Variants in RALGAPA2 observed in about 807,000 individuals in gnomAD.
The protein encoded by RALGAPA2 is Ral GTPase activating protein catalytic subunit alpha 2.
A neutral mutation model predicts 230.4 loss-of-function variants in RALGAPA2; 139 were observed. That is an observed-to-expected ratio of 0.60 (90% confidence interval 0.53 to 0.69). The LOEUF (loss-of-function observed/expected upper bound fraction) is 0.69. Ranked by LOEUF, RALGAPA2 falls within the 30% of genes least tolerant of loss-of-function variation. The pLI, the probability that RALGAPA2 is intolerant of heterozygous loss-of-function variation, is 0.00. For missense variants in RALGAPA2, 2,163 were observed against 2,276.0 expected (o/e 0.95, Z 1.01); for synonymous variants, 847 against 837.8 (o/e 1.01, Z -0.19).
At chr20:20,506,324 T>C (rs139174306) in intron 33 of RALGAPA2, among the ~76,000 whole-genome samples, 63 of 152,340 alleles carry the variant, frequency 4.1e-4, no homozygotes, top group Non-Finnish European at 8.2e-4. Context: ...TTGCATATAG[T>C]AGGTGTTCAG....
chr20:20,547,292 G>C (rs1037256152), intron 23 of RALGAPA2, among the ~76,000 whole-genome samples: 2 of 152,204 alleles, frequency 1.3e-5, no homozygotes, highest in African/African-American at 4.8e-5. Context: ...ATAGTTTTAC[G>C]TGTTCAGAAA....
chr20:20,426,611 C>CT, intron 37 of RALGAPA2, among the ~76,000 whole-genome samples: 1 of 152,300 alleles, frequency 6.6e-6, no homozygotes, highest in East Asian at 1.9e-4. Flanking sequence ...TAGAGGAAGG[C>CT]TTAAGAAGCA....
At chr20:20,703,894 C>A (rs1324208546) in intron 1 of RALGAPA2, among the ~76,000 whole-genome samples, 1 of 152,096 alleles carries the variant, frequency 6.6e-6, no homozygotes, top group East Asian at 1.9e-4. Context: ...CTTAAACTGG[C>A]CTCATTCTAT....
At chr20:20,637,668 G>A (rs749233626) in intron 7 of RALGAPA2, among the ~76,000 whole-genome samples, 167 bp from the exon 8 acceptor site, 3 of 152,088 alleles carry the variant, frequency 2.0e-5, no homozygotes, top group Non-Finnish European at 4.4e-5. Context: ...AAAGATGGCA[G>A]GAATGAATAC....
intron 3 of RALGAPA2, among the ~76,000 whole-genome samples, chr20:20,657,946 T>C (rs558015893): frequency 5.3e-5 from 8 of 152,328 alleles, no homozygotes; most frequent in East Asian, 1.9e-4. Context: ...AAAATACATA[T>C]TGGTCTTCTT....
intron 36 of RALGAPA2, among the ~76,000 whole-genome samples, chr20:20,490,861 A>AACACACACACAC (rs34230105): frequency 9.2e-4 from 131 of 142,258 alleles, no homozygotes; most frequent in African/African-American, 2.9e-3. Context: ...AACACACATG[A>AACACACACACAC]ACACACACAC....
intron 32 of RALGAPA2, among the ~76,000 whole-genome samples, chr20:20,512,018 G>A (rs778465867): frequency 4.6e-5 from 7 of 151,832 alleles, no homozygotes; most frequent in African/African-American, 7.3e-5. Context: ...GTGAAACCCC[G>A]TCTCTACTAA....
intron 37 of RALGAPA2, among the ~76,000 whole-genome samples, chr20:20,414,199 C>T (rs904119584): frequency 4.6e-5 from 7 of 152,322 alleles, no homozygotes; most frequent in South Asian, 4.1e-4. Flanking sequence ...GCCTTTGGAC[C>T]GCCGTGGCCC....
At chr20:20,502,807 C>A (rs1454869195) in intron 35 of RALGAPA2, among the ~76,000 whole-genome samples, 1 of 152,184 alleles carries the variant, frequency 6.6e-6, no homozygotes, top group Non-Finnish European at 1.5e-5. Flanking sequence ...GAGTTAAATG[C>A]CTCTTCTTTT....
At chr20:20,559,214 A>C (rs2064178970) in intron 23 of RALGAPA2, among the ~76,000 whole-genome samples, 2 of 152,140 alleles carry the variant, frequency 1.3e-5, no homozygotes, top group African/African-American at 4.8e-5. Context: ...TGTGTTCTGC[A>C]AAAAAACAGA....
chr20:20,652,491 T>C (rs908301653), intron 4 of RALGAPA2, among the ~76,000 whole-genome samples: 1 of 152,204 alleles, frequency 6.6e-6, no homozygotes, highest in Non-Finnish European at 1.5e-5. Context: ...ACAAGAATGG[T>C]GATATATTCT....
chr20:20,551,987 T>C (rs1184597082), intron 23 of RALGAPA2, among the ~76,000 whole-genome samples: 1 of 152,174 alleles, frequency 6.6e-6, no homozygotes, highest in African/African-American at 2.4e-5. Flanking sequence ...TTACAGGCCA[T>C]TTCAATTCAA....
chr20:20,606,527 C>T (rs932591567), intron 14 of RALGAPA2, among the ~76,000 whole-genome samples: 9 of 152,088 alleles, frequency 5.9e-5, no homozygotes, highest in Admixed American at 4.6e-4. Flanking sequence ...TTTGCACATA[C>T]TCTTCCTTCC....
rs545736687 is a variant in RALGAPA2, at chr20:20,538,531, A to G, written c.3286-1747T>C. On this transcript the variant is annotated intron_variant, in intron 24 of 39. Coordinates refer to ENST00000202677, the MANE Select transcript of RALGAPA2 (RefSeq NM_020343.4). ...TTGCAGAGACATTTGGCTAAGCACA[A>G]TTAAACAAAAGCCTTTAACATGTTA... Among the ~76,000 whole-genome samples, 43 of 152,356 alleles carry G rather than the reference A, an allele frequency of 2.8e-4. 1 individual carries two copies. The South Asian group carries it at 8.7e-3, about 31-fold the overall frequency.
chr20:20,429,320 A>G (rs1169289479), intron 37 of RALGAPA2, among the ~76,000 whole-genome samples: 1 of 152,248 alleles, frequency 6.6e-6, no homozygotes, highest in African/African-American at 2.4e-5. Flanking sequence ...GTTCAGTGCT[A>G]AATTAATCCA....
chr20:20,526,494 A>G (rs2063207950), intron 27 of RALGAPA2, 132 bp from the exon 28 acceptor site: 2 of 603,768 alleles, frequency 3.3e-6, no homozygotes, highest in Non-Finnish European at 5.7e-6. Context: ...TTGATGAAAA[A>G]TATGTCCTAT....
intron 37 of RALGAPA2, among the ~76,000 whole-genome samples, chr20:20,414,360 C>T (rs1040125184): frequency 4.6e-5 from 7 of 152,178 alleles, no homozygotes; most frequent in African/African-American, 1.7e-4. Flanking sequence ...TCCAACACAT[C>T]CACATACAGT....
intron 3 of RALGAPA2, among the ~76,000 whole-genome samples, chr20:20,664,953 C>T (rs2067911290): frequency 6.6e-6 from 1 of 152,150 alleles, no homozygotes; most frequent in Admixed American, 6.5e-5. Context: ...ACCCTTCCAA[C>T]CTGTACAGTG....
Position 20,525,645 on chromosome 20 carries a change from C to T in RALGAPA2, c.3693+607G>A, listed in dbSNP as rs573741591. Among the ~76,000 whole-genome samples the T allele has an allele frequency of 2.6e-5, 4 of 152,284 alleles. No homozygotes were observed. The East Asian group carries it at 7.7e-4, about 29-fold the overall frequency. On this transcript the variant is annotated intron_variant, in intron 28 of 39. Coordinates refer to ENST00000202677, the MANE Select transcript of RALGAPA2 (RefSeq NM_020343.4). ...GCAGCTACAAAAATCAGTAGAAGTG[C>T]CTTATCCCATGGACACCTACGGGAG...
Sources: allele counts gnomAD v4.1 joint callset (sites outside exome capture counted in the v4.1 genomes callset), GRCh38; gene constraint gnomAD v4.1.1; transcripts MANE v1.5; gene names NCBI Gene and HGNC (gene_info 2026-07-23, HGNC 2026-07-21).